Variants in ARSG observed in about 807,000 individuals in gnomAD.
ARSG encodes the protein ASG.
A neutral mutation model predicts 50.5 loss-of-function variants in ARSG; 37 were observed. The observed-to-expected ratio is 0.73, with a 90% CI of 0.56 to 0.96. The LOEUF is 0.96. Ranked by LOEUF, ARSG falls within the 50% of genes least tolerant of loss-of-function variation. The probability of loss-of-function intolerance (pLI) is 0.00; values close to 1 mark genes in which losing one functional copy is unlikely to be tolerated. For synonymous variants in ARSG, 225 were observed against 254.6 expected, an observed-to-expected ratio of 0.88 and a Z score of 1.11; for missense variants, 629 against 675.3, an observed-to-expected ratio of 0.93 and a Z score of 0.76.
intron 8 of ARSG, among the ~76,000 whole-genome samples, chr17:68,371,189 G>A (rs1430204055): frequency 6.6e-6 from 1 of 151,880 alleles, no homozygotes; most frequent in Non-Finnish European, 1.5e-5. Flanking sequence ...GCGTGGTGGC[G>A]GGCGCCTGTA....
At chr17:68,391,068 G>A (rs184549639) in intron 9 of ARSG, among the ~76,000 whole-genome samples, 112 of 152,050 alleles carry the variant, frequency 7.4e-4, no homozygotes, top group African/African-American at 2.5e-3. Flanking sequence ...TATTTATTTT[G>A]TCTCTTTCTC....
rs1213034338 is a variant in ARSG at position 68,269,037 on chromosome 17, G to A, written c.-552+9611G>A. 90 of 1,592,634 alleles carry A rather than the reference G, an allele frequency of 5.7e-5. 3 individuals carry two copies. The East Asian group carries it at 1.3e-3, about 23-fold the overall frequency. ...AGCTCCTCTGCCTCCTTGTGTCCCC[G>A]TTGGGCCCACCCCATCCCTCTCCAG... On this transcript the variant is annotated intron_variant, in intron 1 of 11. Coordinates refer to the ARSG transcript ENST00000448504.
In ARSG at chr17:68,271,341, G is replaced by A; in HGVS notation, c.-552+11915G>A. ...GGGCTTTCTTTTCGCTTGGCCTGGGGCTGGTCTTCACCAGGACCTGCTGCA... is the reference window on the plus strand; with the variant it reads ...GGGCTTTCTTTTCGCTTGGCCTGGGACTGGTCTTCACCAGGACCTGCTGCA... On this transcript the variant is annotated intron_variant, in intron 1 of 11. Coordinates refer to the ARSG transcript ENST00000448504. The surrounding 1 kb of genome is among the most constrained non-coding windows in gnomAD (Gnocchi z 5.3). 6.2e-7 allele frequency: 1 copy of A among 1,614,246 alleles called. No homozygotes were observed. Among genetic ancestry groups the A allele is most frequent in the South Asian group, 1.1e-5 (1 of 91,086 alleles).
At chr17:68,369,712 T>C (rs1057010341) in intron 7 of ARSG, among the ~76,000 whole-genome samples, 1 of 152,184 alleles carries the variant, frequency 6.6e-6, no homozygotes, top group African/African-American at 2.4e-5. Context: ...TAACCGAATC[T>C]ACTCCATAGC....
chr17:68,312,427 A>G (rs2076898859), intron 2 of ARSG, among the ~76,000 whole-genome samples: 1 of 152,238 alleles, frequency 6.6e-6, no homozygotes, highest in Non-Finnish European at 1.5e-5. Context: ...CCAAATGCTT[A>G]GGAACTTCCG....
chr17:68,441,032 A>G, the ARSG span: 1 of 152,224 alleles, frequency 6.6e-6, no homozygotes, highest in Non-Finnish European at 1.5e-5. Context: ...GAACTGTTCA[A>G]TGATCTGCAT....
At chr17:68,274,014 C>T in intron 1 of ARSG, 1 of 1,614,144 alleles carries the variant, frequency 6.2e-7, no homozygotes, top group Non-Finnish European at 8.5e-7. Context: ...AGTAGCCCCC[C>T]CAACATCACT....
chr17:68,447,959 T>G, the ARSG span, among the ~76,000 whole-genome samples: 5 of 130,344 alleles, frequency 3.8e-5, no homozygotes, highest in African/African-American at 1.5e-4. Context: ...CACTCCAGCC[T>G]GGGCAACAGA....
intron 1 of ARSG, among the ~76,000 whole-genome samples, chr17:68,262,575 A>G (rs1159003269): frequency 6.6e-6 from 1 of 151,308 alleles, no homozygotes; most frequent in East Asian, 1.9e-4. Flanking sequence ...CTAAGGATTT[A>G]GTTCAGACTT....
Position 68,280,798 on chromosome 17 carries a change from A to T in ARSG, c.-552+21372A>T, listed in dbSNP as rs137920339. 1.9e-3 allele frequency among the ~76,000 whole-genome samples: 295 copies of T among 152,340 alleles called. 5 individuals carry two copies. Among genetic ancestry groups the T allele is most frequent in the Middle Eastern group, 0.017 (5 of 294 alleles). On this transcript the variant is annotated intron_variant, in intron 1 of 11. Transcript: ENST00000448504. ...CAGAAATAAACATGGGATTATATTA[A>T]GCTAAACAGATTCTGCGCAGCAAAG...
chr17:68,393,372 G>A (rs6501421), intron 9 of ARSG, among the ~76,000 whole-genome samples: 20,220 of 152,072 alleles, frequency 0.13, 2,377 homozygotes, highest in East Asian at 0.36. Context: ...CGCTGTATAC[G>A]CTACCTGCCT....
At chr17:68,264,247 T>G (rs1196665605) in intron 1 of ARSG, among the ~76,000 whole-genome samples, 2 of 152,234 alleles carry the variant, frequency 1.3e-5, no homozygotes, top group East Asian at 3.8e-4. Context: ...GTGATTTGAA[T>G]CTGCGCCACA....
At chr17:68,354,189 G>A (rs1243844984) in intron 5 of ARSG, among the ~76,000 whole-genome samples, 1 of 151,846 alleles carries the variant, frequency 6.6e-6, no homozygotes, top group Non-Finnish European at 1.5e-5. Flanking sequence ...GGGAGGCTGA[G>A]GTGGGTGGAC....
intron 11 of ARSG, among the ~76,000 whole-genome samples, chr17:68,401,932 T>A (rs138912190): frequency 1.4e-4 from 21 of 152,344 alleles, no homozygotes; most frequent in African/African-American, 5.1e-4. Context: ...TCATACTGTA[T>A]CAGGATGGTC....
At chr17:68,424,896 T>A (rs571010507), downstream of ARSG, among the ~76,000 whole-genome samples, 8 of 152,184 alleles carry the variant, frequency 5.3e-5, no homozygotes, top group South Asian at 1.0e-3. Flanking sequence ...ACAAAACAAA[T>A]CAGTACTTCC....
At chr17:68,436,478 A>T in the ARSG span, 2 of 1,613,740 alleles carry the variant, frequency 1.2e-6, no homozygotes, top group Non-Finnish European at 1.7e-6. Flanking sequence ...GAGCACATAG[A>T]CCTGGCAAAG....
At chr17:68,426,242 T>TTGG (rs1555798450), downstream of ARSG, 8 of 682,812 alleles carry the variant, frequency 1.2e-5, no homozygotes, top group Admixed American at 4.0e-5. Context: ...ACCTGGCGGG[T>TTGG]GGGGAGCGGG....
chr17:68,362,119 T>G (rs895358993), intron 6 of ARSG, among the ~76,000 whole-genome samples: 11 of 152,224 alleles, frequency 7.2e-5, no homozygotes, highest in African/African-American at 2.6e-4. Flanking sequence ...TGTTCCAGCC[T>G]TCATGAGCTC....
chr17:68,290,793 G>A (rs755541915), upstream of ARSG, among the ~76,000 whole-genome samples: 3 of 152,226 alleles, frequency 2.0e-5, no homozygotes, highest in Non-Finnish European at 2.9e-5. Context: ...GGGGCAGGGG[G>A]CACTCAAAGG....
Sources: gnomAD v4.1 joint callset for allele counts (sites outside exome capture counted in the v4.1 genomes callset) on GRCh38, gnomAD v4.1.1 for gene constraint, Gnocchi (gnomAD v3.1) non-coding constraint, MANE v1.5 for transcripts, NCBI Gene and HGNC (gene_info 2026-07-23, HGNC 2026-07-21) for gene names.